SAMTOR: variants seen among roughly 807,000 people sequenced by gnomAD.
SAMTOR encodes the protein S-adenosylmethionine sensor upstream of mTORC1.
the SAMTOR span, among the ~76,000 whole-genome samples, chr7:112,916,413 AT>A: frequency 6.6e-6 from 1 of 152,210 alleles, no homozygotes; most frequent in Non-Finnish European, 1.5e-5. Context: ...AATGTAGGCC[AT>A]TAATTGGGGA....
the SAMTOR span, among the ~76,000 whole-genome samples, chr7:112,830,499 G>A: frequency 6.6e-6 from 1 of 152,088 alleles, no homozygotes; most frequent in Non-Finnish European, 1.5e-5. Context: ...TAAGCTTAAG[G>A]ATCAGATCAA....
At chr7:112,825,432 A>C in the SAMTOR span, among the ~76,000 whole-genome samples, 1 of 152,202 alleles carries the variant, frequency 6.6e-6, no homozygotes, top group African/African-American at 2.4e-5. Flanking sequence ...CATATAAAAT[A>C]AACATTTCAT....
At chr7:112,918,990 A>T in the SAMTOR span, among the ~76,000 whole-genome samples, 43 of 152,286 alleles carry the variant, frequency 2.8e-4, no homozygotes, top group East Asian at 1.7e-3. Flanking sequence ...CTCCCACACA[A>T]TAATAATGGG....
chr7:112,866,446 C>T, the SAMTOR span, among the ~76,000 whole-genome samples: 1 of 152,198 alleles, frequency 6.6e-6, no homozygotes, highest in African/African-American at 2.4e-5. Flanking sequence ...TGCAACATTA[C>T]AACTAAAGAA....
chr7:112,852,819 T>C, the SAMTOR span, among the ~76,000 whole-genome samples: 1 of 152,088 alleles, frequency 6.6e-6, no homozygotes, highest in Non-Finnish European at 1.5e-5. Flanking sequence ...TTTCTTAGTG[T>C]GTCATATATT....
At chr7:112,894,331 C>T in the SAMTOR span, among the ~76,000 whole-genome samples, 5 of 151,908 alleles carry the variant, frequency 3.3e-5, no homozygotes, top group Admixed American at 6.6e-5. Context: ...TATATGGTGC[C>T]CCTAAACAAT....
chr7:112,923,854 T>C, the SAMTOR span, among the ~76,000 whole-genome samples: 566 of 152,300 alleles, frequency 3.7e-3, 2 homozygotes, highest in Non-Finnish European at 6.2e-3. Context: ...CATGGAATAC[T>C]ATGCCGCCAT....
the SAMTOR span, among the ~76,000 whole-genome samples, chr7:112,889,137 T>C: frequency 6.6e-6 from 1 of 152,248 alleles, no homozygotes. Flanking sequence ...GTGATCTTTT[T>C]TCTATGTCTA....
the SAMTOR span, among the ~76,000 whole-genome samples, chr7:112,915,763 G>A: frequency 6.6e-6 from 1 of 152,146 alleles, no homozygotes; most frequent in Admixed American, 6.5e-5. Context: ...CGCAGATACT[G>A]TATATATGAG....
the SAMTOR span, among the ~76,000 whole-genome samples, chr7:112,874,990 G>T: frequency 0.063 from 9,616 of 152,180 alleles, 402 homozygotes; most frequent in South Asian, 0.13. Flanking sequence ...TAAGTGCTAA[G>T]CGCTTAGACT....
At chr7:112,878,566 T>C in the SAMTOR span, among the ~76,000 whole-genome samples, 2 of 152,046 alleles carry the variant, frequency 1.3e-5, no homozygotes, top group Non-Finnish European at 2.9e-5. Flanking sequence ...TATTTGACAC[T>C]ATATCTAAGG....
chr7:112,891,135 C>G, the SAMTOR span, among the ~76,000 whole-genome samples: 318 of 152,204 alleles, frequency 2.1e-3, 3 homozygotes, highest in African/African-American at 7.5e-3. Context: ...ATTTTCCATA[C>G]ATATCTGTGT....
At chr7:112,874,341 C>T in the SAMTOR span, among the ~76,000 whole-genome samples, 1 of 152,090 alleles carries the variant, frequency 6.6e-6, no homozygotes, top group Non-Finnish European at 1.5e-5. Context: ...ATGTGTACCA[C>T]AGAATACTAT....
chr7:112,901,526 C>A, the SAMTOR span, among the ~76,000 whole-genome samples: 1,641 of 152,184 alleles, frequency 0.011, 30 homozygotes, highest in African/African-American at 0.037. Context: ...TTACAATGTA[C>A]TAATAATAGA....
the SAMTOR span, chr7:112,819,910 A>G: frequency 6.6e-6 from 1 of 152,544 alleles, no homozygotes; most frequent in Non-Finnish European, 1.5e-5. Context: ...GTACTACCAA[A>G]ATAGTTCAAA....
chr7:112,842,396 A>G, the SAMTOR span, among the ~76,000 whole-genome samples: 28 of 152,110 alleles, frequency 1.8e-4, no homozygotes, highest in East Asian at 5.2e-3. Flanking sequence ...GTAAAAGCCA[A>G]CACTCAAGTT....
At chr7:112,855,172 T>C in the SAMTOR span, among the ~76,000 whole-genome samples, 479 of 152,352 alleles carry the variant, frequency 3.1e-3, 2 homozygotes, top group African/African-American at 0.011. Context: ...TTAATACTTA[T>C]GCTTTCTATA....
chr7:112,918,099 C>A, the SAMTOR span, among the ~76,000 whole-genome samples: 8 of 152,080 alleles, frequency 5.3e-5, no homozygotes, highest in Non-Finnish European at 1.0e-4. Flanking sequence ...ACAGAGAACG[C>A]CACAAAGATA....
the SAMTOR span, among the ~76,000 whole-genome samples, chr7:112,864,966 C>A: frequency 1.1e-4 from 17 of 152,182 alleles, no homozygotes; most frequent in South Asian, 3.1e-3. Context: ...GTTGTCCAGG[C>A]TGGTCTCAAA....
Sources: allele counts gnomAD v4.1 joint callset (sites outside exome capture counted in the v4.1 genomes callset), GRCh38; gene constraint gnomAD v4.1.1; transcripts MANE v1.5; gene names NCBI Gene and HGNC (gene_info 2026-07-23, HGNC 2026-07-21).